Variants in SLC8A3 observed in about 807,000 individuals in gnomAD.
SLC8A3 encodes the protein solute carrier family 8 member A3.
SLC8A3 carries 37 observed loss-of-function variants against 65.4 expected under a neutral mutation model. That is an observed-to-expected ratio of 0.57 (90% CI 0.44 to 0.74). The LOEUF (loss-of-function observed/expected upper bound fraction) is 0.74, where lower values mean the gene tolerates loss of function less well. SLC8A3 is among the 30% of genes least tolerant of loss of function. The pLI is 0.00. For synonymous variants in SLC8A3, 461 were observed against 444.5 expected (o/e 1.04, Z -0.47); for missense variants, 1,112 against 1,172.1 (o/e 0.95, Z 0.75).
At chr14:70,114,156 G>A (rs1414128060) in intron 2 of SLC8A3, among the ~76,000 whole-genome samples, 2 of 152,170 alleles carry the variant, frequency 1.3e-5, no homozygotes, top group South Asian at 2.1e-4. Flanking sequence ...AGTCTTGGGT[G>A]GAAGAAATAA....
chr14:70,101,462 A>G (rs975908564), intron 2 of SLC8A3, among the ~76,000 whole-genome samples: 6 of 152,212 alleles, frequency 3.9e-5, no homozygotes, highest in African/African-American at 1.4e-4. Flanking sequence ...TGGATGAGGG[A>G]CAAGGTGGTG....
chr14:70,173,503 G>A (rs1015770724), intron 1 of SLC8A3, among the ~76,000 whole-genome samples: 8 of 152,016 alleles, frequency 5.3e-5, no homozygotes, highest in African/African-American at 1.9e-4. Context: ...TAAAGTCACC[G>A]TTCCTCCGCT....
At chr14:70,060,646 C>T in intron 3 of SLC8A3, 190 bp downstream of exon 3, 1 of 731,094 alleles carries the variant, frequency 1.4e-6, no homozygotes, top group South Asian at 1.4e-5. Flanking sequence ...GATACCGAAA[C>T]AGGGTGAGAG....
At chr14:70,104,894 G>GAA (rs150740360) in intron 2 of SLC8A3, among the ~76,000 whole-genome samples, 3 of 146,994 alleles carry the variant, frequency 2.0e-5, no homozygotes, top group Non-Finnish European at 3.0e-5. Context: ...CAAGAAGCCA[G>GAA]AAAAAAAAAT....
intron 2 of SLC8A3, among the ~76,000 whole-genome samples, chr14:70,068,972 C>T (rs183256357): frequency 6.6e-6 from 1 of 152,308 alleles, no homozygotes; most frequent in Admixed American, 6.5e-5. Flanking sequence ...CTGGCCTCGG[C>T]CTTCCAAGGT....
chr14:70,124,468 T>C (rs888526243), intron 2 of SLC8A3, among the ~76,000 whole-genome samples: 13 of 152,254 alleles, frequency 8.5e-5, no homozygotes, highest in African/African-American at 3.1e-4. Flanking sequence ...TGGCCTCTCA[T>C]GTTCAAGCCC....
rs1897241636 is a variant in SLC8A3 at position 70,167,453 on chromosome 14, TC to T, written c.969del (p.Lys324SerfsTer9). The T allele has an allele frequency of 6.2e-7, 1 of 1,614,024 alleles. No individual in the cohort carries two copies. On this transcript the variant is annotated frameshift_variant, in exon 2 of 7. Transcript: ENST00000356921. LOFTEE classifies it high-confidence loss of function. Reference protein sequence around the residue: ...RREMIRILKDLKQKHPEKDLD... With the variant: ...RREMIRILKDXKQKHPEKDLD... ...AAGTCCTTCTCTGGGTGTTTTTGCT[TC>T]AGATCCTTGAGAATCCGGATCATCT... is the stretch of plus-strand genomic sequence containing the variant.
chr14:70,101,293 CCAGGAATGGCCAT>C (rs1234051181), intron 2 of SLC8A3, among the ~76,000 whole-genome samples: 2 of 152,012 alleles, frequency 1.3e-5, no homozygotes, highest in Admixed American at 6.6e-5. Context: ...ACTGACTGAA[CCAGGAATGGCCAT>C]CCTTAGGAAA....
At chr14:70,111,988 A>G (rs1186149838) in intron 2 of SLC8A3, among the ~76,000 whole-genome samples, 1 of 152,184 alleles carries the variant, frequency 6.6e-6, no homozygotes, top group Non-Finnish European at 1.5e-5. Context: ...AGTTACAGTA[A>G]AGGGATTTGT....
At chr14:70,061,350 C>T (rs796144564) in intron 2 of SLC8A3, among the ~76,000 whole-genome samples, 17 of 152,218 alleles carry the variant, frequency 1.1e-4, no homozygotes, top group African/African-American at 4.1e-4. Context: ...TTTCTCTGGG[C>T]AACAGGTAAA....
intron 3 of SLC8A3, among the ~76,000 whole-genome samples, chr14:70,054,779 GA>G (rs1292968729): frequency 6.6e-6 from 1 of 152,090 alleles, no homozygotes; most frequent in Non-Finnish European, 1.5e-5. Context: ...AAGGCTCCCA[GA>G]AGGCTTATGT....
At chr14:70,146,249 A>AT (rs1462175562) in intron 2 of SLC8A3, among the ~76,000 whole-genome samples, 2 of 152,232 alleles carry the variant, frequency 1.3e-5, no homozygotes, top group Admixed American at 6.5e-5. Flanking sequence ...CGACAATGCC[A>AT]TGGCTGGGAA....
chr14:70,165,463 G>C (rs1304222108), intron 2 of SLC8A3, among the ~76,000 whole-genome samples: 1 of 152,148 alleles, frequency 6.6e-6, no homozygotes, highest in Non-Finnish European at 1.5e-5. Flanking sequence ...GCAGGTTCTT[G>C]AAACAGACAC....
intron 2 of SLC8A3, among the ~76,000 whole-genome samples, chr14:70,078,131 G>A (rs1890704741): frequency 6.6e-6 from 1 of 152,150 alleles, no homozygotes; most frequent in Non-Finnish European, 1.5e-5. Context: ...ATTCAGGGCA[G>A]GTAAGAGTCA....
chr14:70,170,169 T>C (rs930357646), intron 1 of SLC8A3, among the ~76,000 whole-genome samples: 3 of 152,226 alleles, frequency 2.0e-5, no homozygotes, highest in Non-Finnish European at 4.4e-5. Context: ...AGTCTTCTCT[T>C]GCTCTTGATA....
intron 2 of SLC8A3, among the ~76,000 whole-genome samples, chr14:70,089,527 G>A (rs2140050613): frequency 6.6e-6 from 1 of 152,256 alleles, no homozygotes; most frequent in Non-Finnish European, 1.5e-5. Flanking sequence ...AATGGGCAGA[G>A]GAAGAACTTC....
intron 2 of SLC8A3, among the ~76,000 whole-genome samples, chr14:70,125,698 G>A (rs1894397131): frequency 6.6e-6 from 1 of 152,124 alleles, no homozygotes; most frequent in Non-Finnish European, 1.5e-5. Flanking sequence ...ATACCCAAAA[G>A]TGGGATTGCT....
At chr14:70,143,851 C>T (rs1006254385) in intron 2 of SLC8A3, among the ~76,000 whole-genome samples, 10 of 152,170 alleles carry the variant, frequency 6.6e-5, no homozygotes, top group African/African-American at 1.4e-4. Flanking sequence ...AGCTGTTACA[C>T]GGCTGTCAGG....
At chr14:70,178,591 A>G (rs61978208) in intron 1 of SLC8A3, among the ~76,000 whole-genome samples, 31,330 of 152,188 alleles carry the variant, frequency 0.21, 3,390 homozygotes, top group Middle Eastern at 0.3. Context: ...CAAAATATTG[A>G]GATTAACTTC....
Sources: gnomAD v4.1 joint callset for allele counts (sites outside exome capture counted in the v4.1 genomes callset) on GRCh38, gnomAD v4.1.1 for gene constraint, MANE v1.5 for transcripts, NCBI Gene and HGNC (gene_info 2026-07-23, HGNC 2026-07-21) for gene names.